Variants in ARL15 observed in about 807,000 individuals in gnomAD.
ARL15 encodes ADP-ribosylation factor-like protein 15.
ARL15 carries 19 observed loss-of-function variants against 25.2 expected under a neutral mutation model. The ratio of observed to expected loss-of-function variants is 0.75; its 90% confidence interval spans 0.53 to 1.10. The LOEUF (loss-of-function observed/expected upper bound fraction) is 1.10, where lower values mean the gene tolerates loss of function less well. ARL15 is among the 50% of genes least tolerant of loss of function. The probability of loss-of-function intolerance (pLI) is 0.00; values close to 1 mark genes in which losing one functional copy is unlikely to be tolerated. For missense variants in ARL15, 220 were observed against 246.0 expected (o/e 0.89, Z 0.71); for synonymous variants, 94 against 86.8 (o/e 1.08, Z -0.46).
At chr5:54,019,162 AG>A (rs1749517339) in intron 4 of ARL15, among the ~76,000 whole-genome samples, 1 of 149,882 alleles carries the variant, frequency 6.7e-6, no homozygotes, top group South Asian at 2.1e-4. Context: ...AAAGATAAAC[AG>A]GTTTTTTTTT....
intron 4 of ARL15, among the ~76,000 whole-genome samples, chr5:53,943,865 C>T (rs1420003450): frequency 6.6e-6 from 1 of 152,102 alleles, no homozygotes; most frequent in Non-Finnish European, 1.5e-5. Context: ...TCAGAATCAA[C>T]AGGAAGCTGT....
At chr5:53,963,355 T>A (rs1747431698) in intron 4 of ARL15, among the ~76,000 whole-genome samples, 1 of 152,172 alleles carries the variant, frequency 6.6e-6, no homozygotes, top group Non-Finnish European at 1.5e-5. Flanking sequence ...CTGCTTTGGG[T>A]GAAAAACAGT....
chr5:53,951,660 G>C (rs1018562320), intron 4 of ARL15: 15 of 402,022 alleles, frequency 3.7e-5, no homozygotes, highest in South Asian at 1.2e-4. Flanking sequence ...TTTTCGATAT[G>C]ATGACCACTA....
intron 1 of ARL15, among the ~76,000 whole-genome samples, chr5:54,200,889 C>CTT (rs1321357046): frequency 1.3e-5 from 2 of 152,212 alleles, no homozygotes; most frequent in African/African-American, 4.8e-5. Context: ...TCTTCTCACA[C>CTT]TTTATTGAAA....
At chr5:54,192,264 TA>T (rs572335482) in intron 1 of ARL15, among the ~76,000 whole-genome samples, 175 of 141,738 alleles carry the variant, frequency 1.2e-3, no homozygotes, top group Admixed American at 1.5e-3. Context: ...AAAGTATAAG[TA>T]AAAAAAAAAA....
intron 4 of ARL15, among the ~76,000 whole-genome samples, chr5:53,903,717 A>G (rs4865559): frequency 0.92 from 140,563 of 152,210 alleles, 65,601 homozygotes; most frequent in Non-Finnish European, 1. Flanking sequence ...ATCACAGGTC[A>G]ACAGCTCCTA....
Position 54,113,339 on chromosome 5 carries a change from T to C in ARL15, c.325A>G (p.Ser109Gly). 1 of 1,614,006 alleles carries C rather than the reference T, an allele frequency of 6.2e-7. No individual in the cohort carries two copies. The highest frequency in any genetic ancestry group is 1.6e-4 in the Middle Eastern group (1 of 6,062). ...TCTAAATCATCCTCTGAAGAGGCAC[T>C]GTCTAATACAAATATTACCCCTTGA... The part of the protein sequence containing the change: ...GSQGVIFVLD[S>G]ASSEDDLEAA... The change falls in exon 4 of 5, where the codon AGT becomes GGT. Residue 109 changes from serine to glycine, a missense_variant. Coordinates refer to ENST00000504924, the MANE Select transcript of ARL15 (RefSeq NM_019087.3).
At chr5:54,110,061 A>C (rs1056045890) in intron 4 of ARL15, among the ~76,000 whole-genome samples, 1 of 152,026 alleles carries the variant, frequency 6.6e-6, no homozygotes, top group Non-Finnish European at 1.5e-5. Context: ...AAAAATATGT[A>C]ATGTACAAGA....
chr5:53,996,264 G>A (rs1185131592), intron 4 of ARL15, among the ~76,000 whole-genome samples: 1 of 152,184 alleles, frequency 6.6e-6, no homozygotes, highest in Admixed American at 6.5e-5. Context: ...GGGAGCCTCT[G>A]GTTGACGAAA....
chr5:54,129,199 T>A lies in ARL15; in HGVS notation c.254-15789A>T, dbSNP rs1045825828. On this transcript the variant is annotated intron_variant, in intron 3 of 4. Transcript: ENST00000504924. ...TCTAATATCTAAATCTGAACATTGA[T>A]AGGATGCCTCAACTATCCAGAAGAC... Among the ~76,000 whole-genome samples the A allele has an allele frequency of 3.3e-5, 5 of 152,194 alleles. No individual in the cohort carries two copies. In the South Asian group the frequency reaches 1.0e-3, roughly 31 times the overall value.
At position 54,224,408 on chromosome 5, in the gene ARL15, C is replaced by T. The variant is rs970841975; in HGVS notation, c.49-52480G>A. Among the ~76,000 whole-genome samples the T allele has an allele frequency of 3.3e-5, 5 of 152,208 alleles. No individual in the cohort carries two copies. The East Asian group carries it at 5.8e-4, about 18-fold the overall frequency. ...TTTAATCTTGAAGAATCCAAGTATA[C>T]GAGGCCAGCAGGACAGACACGTGCA... On this transcript the variant is annotated intron_variant, in intron 1 of 4. Transcript: ENST00000504924.
Position 53,960,866 on chromosome 5 carries a change from G to A in ARL15, c.463-74153C>T, listed in dbSNP as rs189356258. Reference sequence around the variant, plus strand: ...TTAAAAGATAACAGGTCACATTTCTGGAACACTGTGGGTGGGATCCTGAGG... The same window carrying A: ...TTAAAAGATAACAGGTCACATTTCTAGAACACTGTGGGTGGGATCCTGAGG... On this transcript the variant is annotated intron_variant, in intron 4 of 4. Transcript: ENST00000504924. 2.2e-4 allele frequency among the ~76,000 whole-genome samples: 33 copies of A among 152,254 alleles called. No individual in the cohort carries two copies. The South Asian group carries it at 2.5e-3, about 12-fold the overall frequency.
At chr5:53,890,620 G>A (rs1278221802) in intron 4 of ARL15, among the ~76,000 whole-genome samples, 3 of 152,206 alleles carry the variant, frequency 2.0e-5, no homozygotes, top group Admixed American at 6.5e-5. Flanking sequence ...GCCACAGAGA[G>A]TGGGCATTTA....
chr5:54,018,305 T>C (rs1749489644), intron 4 of ARL15, among the ~76,000 whole-genome samples: 1 of 152,198 alleles, frequency 6.6e-6, no homozygotes, highest in Non-Finnish European at 1.5e-5. Context: ...AGTCTTTAAT[T>C]TGGTGTTTCC....
intron 4 of ARL15, among the ~76,000 whole-genome samples, chr5:53,957,227 C>T (rs1041698944): frequency 6.6e-6 from 1 of 151,852 alleles, no homozygotes; most frequent in African/African-American, 2.4e-5. Context: ...AAGGAATTTA[C>T]CACATAGAAG....
chr5:54,101,390 T>A (rs141917796), intron 4 of ARL15, among the ~76,000 whole-genome samples: 1 of 152,132 alleles, frequency 6.6e-6, no homozygotes, highest in Non-Finnish European at 1.5e-5. Flanking sequence ...AAATTACAGA[T>A]TCATATTGAG....
At chr5:54,185,776 T>C (rs1481332187) in intron 1 of ARL15, among the ~76,000 whole-genome samples, 1 of 152,186 alleles carries the variant, frequency 6.6e-6, no homozygotes, top group Non-Finnish European at 1.5e-5. Flanking sequence ...AGTGCTAATA[T>C]TAGATTTTTC....
At chr5:54,237,763 T>G (rs1186060333) in intron 1 of ARL15, among the ~76,000 whole-genome samples, 1 of 152,170 alleles carries the variant, frequency 6.6e-6, no homozygotes, top group East Asian at 1.9e-4. Flanking sequence ...TGTCTTGAAT[T>G]TGCCAAACCT....
intron 1 of ARL15, among the ~76,000 whole-genome samples, chr5:54,258,400 C>T (rs964184438): frequency 8.5e-5 from 13 of 152,112 alleles, no homozygotes; most frequent in Non-Finnish European, 1.5e-4. Context: ...ACATTATTCA[C>T]GAGCTATGTC....
Sources: allele counts gnomAD v4.1 joint callset (sites outside exome capture counted in the v4.1 genomes callset), GRCh38; gene constraint gnomAD v4.1.1; transcripts MANE v1.5; gene names NCBI Gene and HGNC (gene_info 2026-07-23, HGNC 2026-07-21).